The following ASTN1 variants were observed in gnomAD, a reference collection of about 807,000 sequenced individuals.
The protein encoded by ASTN1 is astrotactin-1.
A neutral mutation model predicts 140.7 loss-of-function variants in ASTN1; 41 were observed. That is an observed-to-expected ratio of 0.29 (90% confidence interval 0.23 to 0.38). ASTN1 has a LOEUF of 0.38. ASTN1 is among the 10% of genes least tolerant of loss of function. The pLI is 1.00. For synonymous variants in ASTN1, 640 were observed against 652.2 expected, an observed-to-expected ratio of 0.98 and a Z score of 0.29; for missense variants, 1,479 against 1,678.8, an observed-to-expected ratio of 0.88 and a Z score of 2.08.
rs114478633 is a variant in ASTN1 at position 176,940,300 on chromosome 1, T to C, written c.2377+3591A>G. ...GTCTACTATCTGTAAGTCAGACTTA[T>C]AGGAAGTCAGACCACTATCCATAAC... is the stretch of plus-strand genomic sequence containing the variant. On this transcript the variant is annotated intron_variant, in intron 14 of 22. Transcript: ENST00000361833. Among the ~76,000 whole-genome samples the C allele has an allele frequency of 9.2e-3, 1,403 of 152,278 alleles. 16 individuals carry two copies. The highest frequency in any genetic ancestry group is 0.022 in the South Asian group (106 of 4,824).
At chr1:177,025,317 G>T (rs1465640324) in intron 5 of ASTN1, among the ~76,000 whole-genome samples, 1 of 152,200 alleles carries the variant, frequency 6.6e-6, no homozygotes, top group East Asian at 1.9e-4. Flanking sequence ...ACACCAGGAT[G>T]CTCTCCACAG....
At chr1:176,926,014 A>G (rs1206770017) in intron 16 of ASTN1, among the ~76,000 whole-genome samples, 3 of 151,988 alleles carry the variant, frequency 2.0e-5, no homozygotes, top group African/African-American at 4.8e-5. Context: ...TCACCGTGTT[A>G]GCCAGGATGG....
intron 8 of ASTN1, among the ~76,000 whole-genome samples, chr1:176,979,591 A>G (rs1364999919): frequency 6.6e-6 from 1 of 152,170 alleles, no homozygotes; most frequent in East Asian, 1.9e-4. Flanking sequence ...CTCCCTTGCC[A>G]GAGCGTTAGT....
intron 9 of ASTN1, among the ~76,000 whole-genome samples, chr1:176,961,007 C>G (rs999877752): frequency 6.6e-6 from 1 of 152,190 alleles, no homozygotes; most frequent in African/African-American, 2.4e-5. Flanking sequence ...TCCATCACCA[C>G]TCAGAAGAAT....
In ASTN1 at chr1:176,881,088, A is replaced by G. The variant is rs540209757; in HGVS notation, c.3362+1771T>C. On this transcript the variant is annotated intron_variant, in intron 20 of 22. Transcript: ENST00000361833. ...AATCTAGGGCTCTGTCCCTATCCCAAGGGCTGAAGCGCAGCTCTCCTGGAT... is the reference window on the plus strand; with the variant it reads ...AATCTAGGGCTCTGTCCCTATCCCAGGGGCTGAAGCGCAGCTCTCCTGGAT... Among the ~76,000 whole-genome samples the G allele has an allele frequency of 5.3e-5, 8 of 152,262 alleles. No homozygotes were observed. The East Asian group carries it at 1.5e-3, about 29-fold the overall frequency.
intron 8 of ASTN1, among the ~76,000 whole-genome samples, chr1:176,997,767 AATAG>A (rs1319787739): frequency 2.0e-5 from 3 of 152,286 alleles, no homozygotes; most frequent in South Asian, 2.1e-4. Flanking sequence ...CGATTGCCAC[AATAG>A]ATAGTCACAG....
intron 14 of ASTN1, among the ~76,000 whole-genome samples, chr1:176,942,836 GTATATATATATA>G (rs71129590): frequency 2.0e-5 from 1 of 50,292 alleles, no homozygotes; most frequent in South Asian, 9.5e-4. Flanking sequence ...ATATATATAT[GTATATATATATA>G]TATATATATA....
chr1:176,886,417 C>T (rs1221692623), intron 18 of ASTN1, among the ~76,000 whole-genome samples: 15 of 152,260 alleles, frequency 9.9e-5, no homozygotes, highest in Admixed American at 7.2e-4. Context: ...GCTCTCTTAC[C>T]TGGTGAATTA....
chr1:176,876,737 C>G, intron 20 of ASTN1, 100 bp from the exon 21 acceptor site: 1 of 1,149,438 alleles, frequency 8.7e-7, no homozygotes. Context: ...GAATGGGTGG[C>G]TATGGACCCA....
chr1:176,911,873 G>A (rs541355077), intron 16 of ASTN1, among the ~76,000 whole-genome samples: 13 of 152,174 alleles, frequency 8.5e-5, no homozygotes, highest in African/African-American at 3.1e-4. Flanking sequence ...ACTTTTATAC[G>A]ACTGGCAGCG....
At chr1:176,990,423 C>T (rs1008498171) in intron 8 of ASTN1, among the ~76,000 whole-genome samples, 1 of 151,750 alleles carries the variant, frequency 6.6e-6, no homozygotes, top group African/African-American at 2.4e-5. Context: ...GCCTGGAAAC[C>T]TGGAATATAC....
At chr1:177,097,823 G>A (rs945586609) in intron 1 of ASTN1, among the ~76,000 whole-genome samples, 5 of 152,170 alleles carry the variant, frequency 3.3e-5, no homozygotes, top group Admixed American at 3.3e-4. Context: ...TAATTTAATC[G>A]ATTACGCCTA....
At chr1:176,982,827 G>T (rs1016335637) in intron 8 of ASTN1, among the ~76,000 whole-genome samples, 14 of 152,174 alleles carry the variant, frequency 9.2e-5, no homozygotes, top group Non-Finnish European at 1.9e-4. Flanking sequence ...AACACAGAGT[G>T]AAAAGACCTA....
At chr1:177,057,642 C>T (rs537908167) in intron 2 of ASTN1, among the ~76,000 whole-genome samples, 1 of 152,110 alleles carries the variant, frequency 6.6e-6, no homozygotes, top group Non-Finnish European at 1.5e-5. Flanking sequence ...TTTCGATAAT[C>T]GCTTTATCTT....
At chr1:176,937,343 G>A (rs1420815909) in intron 14 of ASTN1, among the ~76,000 whole-genome samples, 1 of 152,218 alleles carries the variant, frequency 6.6e-6, no homozygotes, top group Non-Finnish European at 1.5e-5. Flanking sequence ...AATATTGAGT[G>A]CCATCTCTGT....
chr1:177,092,948 T>C (rs1679829580), intron 1 of ASTN1, among the ~76,000 whole-genome samples: 1 of 152,164 alleles, frequency 6.6e-6, no homozygotes, highest in Non-Finnish European at 1.5e-5. Context: ...TGTAGCTTTG[T>C]AGGATAAACA....
At chr1:177,159,199 C>T (rs1056983896) in intron 1 of ASTN1, among the ~76,000 whole-genome samples, 3 of 151,760 alleles carry the variant, frequency 2.0e-5, no homozygotes, top group African/African-American at 7.3e-5. Context: ...ATTCATAATT[C>T]CTTTGTTGTA....
intron 16 of ASTN1, among the ~76,000 whole-genome samples, chr1:176,905,914 C>T (rs1381779324): frequency 6.6e-6 from 1 of 152,132 alleles, no homozygotes; most frequent in Non-Finnish European, 1.5e-5. Context: ...GGTTGCAGTA[C>T]CATTCGCAAA....
chr1:177,131,395 T>C (rs1681934546), intron 1 of ASTN1, among the ~76,000 whole-genome samples: 1 of 152,184 alleles, frequency 6.6e-6, no homozygotes, highest in Non-Finnish European at 1.5e-5. Context: ...ATACTTAACA[T>C]CCATATGCTA....
Sources: gnomAD v4.1 joint callset for allele counts (sites outside exome capture counted in the v4.1 genomes callset) on GRCh38, gnomAD v4.1.1 for gene constraint, MANE v1.5 for transcripts, NCBI Gene and HGNC (gene_info 2026-07-23, HGNC 2026-07-21) for gene names.